Variants in ME3 observed in about 807,000 individuals in gnomAD.
The protein encoded by ME3 is malic enzyme 3.
A neutral mutation model predicts 68.9 loss-of-function variants in ME3; 48 were observed. The observed-to-expected ratio is 0.70, with a 90% CI of 0.55 to 0.89. The LOEUF (loss-of-function observed/expected upper bound fraction) is 0.89, where lower values mean the gene tolerates loss of function less well. ME3 is among the 40% of genes least tolerant of loss of function. The pLI, the probability that ME3 is intolerant of heterozygous loss-of-function variation, is 0.00. For synonymous variants in ME3, 320 were observed against 318.8 expected (o/e 1.00, Z -0.04); for missense variants, 675 against 797.4 (o/e 0.85, Z 1.85).
chr11:86,578,359 G>A (rs551919177), intron 2 of ME3, among the ~76,000 whole-genome samples: 48 of 152,204 alleles, frequency 3.2e-4, no homozygotes, highest in African/African-American at 1.1e-3. Flanking sequence ...GCACTTTGAT[G>A]GACTCAGCTT....
intron 4 of ME3, among the ~76,000 whole-genome samples, chr11:86,548,700 G>A (rs761956705): frequency 1.2e-4 from 18 of 152,128 alleles, no homozygotes; most frequent in East Asian, 3.9e-4. Flanking sequence ...ATGAAAGACC[G>A]TGAGGGTTGG....
chr11:86,640,135 T>C (rs1014193248), intron 2 of ME3, among the ~76,000 whole-genome samples: 2 of 152,180 alleles, frequency 1.3e-5, no homozygotes, highest in African/African-American at 4.8e-5. Flanking sequence ...GAGAGATCCC[T>C]GATATAGGAA....
chr11:86,487,549 G>A (rs372324328), intron 6 of ME3, 109 bp from the exon 7 acceptor site: 2 of 850,676 alleles, frequency 2.4e-6, no homozygotes, highest in South Asian at 3.2e-5. Flanking sequence ...GGGAGGAGAG[G>A]GGGGAGTAAG....
chr11:86,650,291 T>G (rs1945314801), intron 2 of ME3, among the ~76,000 whole-genome samples: 3 of 152,292 alleles, frequency 2.0e-5, no homozygotes, highest in Admixed American at 6.5e-5. Flanking sequence ...TCCTTATACC[T>G]TATACAAAAA....
intron 2 of ME3, among the ~76,000 whole-genome samples, chr11:86,631,318 T>C (rs545365842): frequency 6.6e-6 from 1 of 152,274 alleles, no homozygotes; most frequent in Admixed American, 6.5e-5. Context: ...ATTAATGTCT[T>C]GGTGAGATGT....
At chr11:86,523,256 C>T (rs1297508898) in intron 4 of ME3, among the ~76,000 whole-genome samples, 1 of 152,198 alleles carries the variant, frequency 6.6e-6, no homozygotes, top group African/African-American at 2.4e-5. Context: ...ATGCCATTTA[C>T]TTACTGCCAC....
At chr11:86,595,332 G>GAGAGAGAGA (rs1565186315) in intron 2 of ME3, among the ~76,000 whole-genome samples, 1 of 134,348 alleles carries the variant, frequency 7.4e-6, no homozygotes, top group Non-Finnish European at 1.6e-5. Context: ...GAGAGAGAGA[G>GAGAGAGAGA]CTTATTATGT....
chr11:86,637,351 A>C (rs776217172), intron 2 of ME3, among the ~76,000 whole-genome samples: 8 of 91,654 alleles, frequency 8.7e-5, no homozygotes, highest in Admixed American at 4.3e-4. Flanking sequence ...AAGAAGCACA[A>C]AAAAAAAAAA....
At chr11:86,478,607 CT>C (rs1951216572) in intron 7 of ME3, among the ~76,000 whole-genome samples, 1 of 152,150 alleles carries the variant, frequency 6.6e-6, no homozygotes, top group Admixed American at 6.5e-5. Flanking sequence ...CCATGCCTCC[CT>C]ATTGCTCACT....
chr11:86,647,697 G>T (rs1159404118), intron 2 of ME3, among the ~76,000 whole-genome samples: 1 of 152,188 alleles, frequency 6.6e-6, no homozygotes, highest in Non-Finnish European at 1.5e-5. Flanking sequence ...AATGCAACAA[G>T]AAGAGCTAAG....
chr11:86,450,249 C>G lies in ME3; in HGVS notation c.1017+52G>C. 3.9e-6 allele frequency: 6 copies of G among 1,542,044 alleles called. No individual in the cohort carries two copies. The South Asian group carries it at 6.7e-5, about 17-fold the overall frequency. ...CCTCCCTTTTTTGGTATGCTTCCACCCATTCTTATTCTCTTCCTGGAGCAA... is the reference window on the plus strand; with the variant it reads ...CCTCCCTTTTTTGGTATGCTTCCACGCATTCTTATTCTCTTCCTGGAGCAA... On this transcript the variant is annotated intron_variant, in intron 9 of 14. Transcript: ENST00000543262.
chr11:86,556,448 A>C (rs909277349), intron 4 of ME3, 105 bp downstream of exon 4: 126 of 1,361,812 alleles, frequency 9.3e-5, no homozygotes, highest in Non-Finnish European at 1.2e-4. Flanking sequence ...CCACTGACCC[A>C]ATCAGAGTTA....
chr11:86,545,919 C>G (rs1233583312), intron 4 of ME3, among the ~76,000 whole-genome samples: 1 of 152,162 alleles, frequency 6.6e-6, no homozygotes, highest in Non-Finnish European at 1.5e-5. Flanking sequence ...AATTATACTA[C>G]AAGGCTTCAG....
intron 7 of ME3, among the ~76,000 whole-genome samples, chr11:86,477,643 A>G (rs1183552364): frequency 2.6e-5 from 4 of 152,168 alleles, no homozygotes; most frequent in African/African-American, 4.8e-5. Context: ...GCTAAGAGAA[A>G]ATGAAAAGGA....
chr11:86,491,606 C>T (rs1952015906), intron 6 of ME3, among the ~76,000 whole-genome samples: 1 of 152,180 alleles, frequency 6.6e-6, no homozygotes, highest in Non-Finnish European at 1.5e-5. Flanking sequence ...CACATTCTGC[C>T]CTGTATCCGC....
intron 8 of ME3, among the ~76,000 whole-genome samples, chr11:86,452,596 G>T (rs1488434538): frequency 1.3e-5 from 2 of 152,130 alleles, no homozygotes; most frequent in African/African-American, 4.8e-5. Context: ...GAAGGTTGAG[G>T]AAGAAATTTA....
At chr11:86,637,596 G>C in intron 2 of ME3, among the ~76,000 whole-genome samples, 1 of 152,186 alleles carries the variant, frequency 6.6e-6, no homozygotes, top group East Asian at 1.9e-4. Flanking sequence ...GCACAGCACA[G>C]ACTAGGGAGT....
chr11:86,453,690 C>T (rs1454094004), intron 8 of ME3, among the ~76,000 whole-genome samples: 1 of 152,184 alleles, frequency 6.6e-6, no homozygotes, highest in African/African-American at 2.4e-5. Flanking sequence ...GTTTCTAACA[C>T]CAAAATTTAA....
At chr11:86,624,527 G>C (rs141063747) in intron 2 of ME3, among the ~76,000 whole-genome samples, 67 of 152,312 alleles carry the variant, frequency 4.4e-4, no homozygotes, top group African/African-American at 1.5e-3. Flanking sequence ...CATACCTCAT[G>C]CAGAGTTTCT....
Sources: gnomAD v4.1 joint callset for allele counts (sites outside exome capture counted in the v4.1 genomes callset) on GRCh38, gnomAD v4.1.1 for gene constraint, MANE v1.5 for transcripts, NCBI Gene and HGNC (gene_info 2026-07-23, HGNC 2026-07-21) for gene names.